GLI3: variants seen among roughly 807,000 people sequenced by gnomAD.
GLI3 encodes the protein transcription activator GLI3.
GLI3 carries 20 observed loss-of-function variants against 100.8 expected under a neutral mutation model. The ratio of observed to expected loss-of-function variants is 0.20; its 90% CI spans 0.14 to 0.29. The LOEUF (loss-of-function observed/expected upper bound fraction) is 0.29, where lower values mean the gene tolerates loss of function less well. Ranked by LOEUF, GLI3 falls within the 10% of genes least tolerant of loss-of-function variation. The pLI is 1.00. For synonymous variants in GLI3, 938 were observed against 860.5 expected (o/e 1.09, Z -1.58); for missense variants, 2,040 against 2,128.5 (o/e 0.96, Z 0.82).
chr7:42,023,948 A>C (rs1789024142), intron 9 of GLI3, among the ~76,000 whole-genome samples: 2 of 152,224 alleles, frequency 1.3e-5, no homozygotes, highest in Admixed American at 6.5e-5. Flanking sequence ...AACAAAAAAC[A>C]AAACAAAGCT....
At chr7:42,064,602 CA>C (rs1402509175) in intron 4 of GLI3, among the ~76,000 whole-genome samples, 4 of 152,068 alleles carry the variant, frequency 2.6e-5, no homozygotes, top group African/African-American at 9.7e-5. Flanking sequence ...TGAATGTAAC[CA>C]ACATATTATT....
At chr7:42,200,621 A>C (rs540071173) in intron 2 of GLI3, among the ~76,000 whole-genome samples, 3 of 152,278 alleles carry the variant, frequency 2.0e-5, no homozygotes, top group South Asian at 2.1e-4. Flanking sequence ...TTTAAAAATA[A>C]AGCCAGCAAA....
chr7:42,041,175 C>A (rs1340322008), intron 6 of GLI3, among the ~76,000 whole-genome samples: 1 of 152,140 alleles, frequency 6.6e-6, no homozygotes, highest in African/African-American at 2.4e-5. Flanking sequence ...CCTTGTTTCT[C>A]TAGTCAGACC....
At chr7:42,027,929 T>C (rs771119349) in intron 7 of GLI3, among the ~76,000 whole-genome samples, 7 of 152,234 alleles carry the variant, frequency 4.6e-5, no homozygotes, top group Admixed American at 1.3e-4. Flanking sequence ...TGAATGATTA[T>C]GGCAAGACTT....
intron 10 of GLI3, among the ~76,000 whole-genome samples, chr7:41,989,553 G>A (rs1787926262): frequency 6.6e-6 from 1 of 152,156 alleles, no homozygotes; most frequent in South Asian, 2.1e-4. Context: ...TACGGAGAAA[G>A]CATTACCATC....
In GLI3 at chr7:41,966,186, C is replaced by T. The variant is rs776779570; in HGVS notation, c.2887G>A (p.Ala963Thr). ...GGCAGGGCCACGCCAGGCTCGAGGG[C>T]ATCCCCGAGCAGCGCCAGGCGCGTC... ...LKTRLALLGDALEPGVALPPV... is the reference protein window; with the variant it reads ...LKTRLALLGDTLEPGVALPPV... The change falls in exon 15 of 15, where the codon GCC (alanine) becomes ACC (threonine). Residue 963 changes from alanine to threonine, a missense_variant. This residue lies in a region of GLI3 where 1,041 missense variants were observed against 924.0 expected (regional missense o/e 1.13). Transcript: ENST00000395925. The surrounding 1 kb of genome is among the most constrained non-coding windows in gnomAD (Gnocchi z 5.8). 5.7e-5 allele frequency: 91 copies of T among 1,603,944 alleles called. No homozygotes were observed. The highest frequency in any genetic ancestry group is 5.0e-4 in the Middle Eastern group (3 of 6,022).
chr7:42,113,116 G>A (rs111497948), intron 3 of GLI3, among the ~76,000 whole-genome samples: 10 of 152,220 alleles, frequency 6.6e-5, no homozygotes, highest in African/African-American at 2.4e-4. Context: ...GGTGGAGGCT[G>A]CAGTGAGCCG....
intron 2 of GLI3, among the ~76,000 whole-genome samples, chr7:42,153,593 G>A (rs574176803): frequency 6.6e-6 from 1 of 150,770 alleles, no homozygotes; most frequent in Non-Finnish European, 1.5e-5. Context: ...AAGGGGGGGT[G>A]GGGGGAAAGA....
chr7:42,264,046 T>G (rs1430654968), exon 1 of GLI3, among the ~76,000 whole-genome samples: 1 of 152,232 alleles, frequency 6.6e-6, no homozygotes, highest in Admixed American at 6.5e-5. Context: ...CTGATTGTGT[T>G]GGCTGTCTCG....
chr7:42,206,327 T>A (rs1370258796), intron 2 of GLI3, among the ~76,000 whole-genome samples: 2 of 151,818 alleles, frequency 1.3e-5, no homozygotes, highest in African/African-American at 4.8e-5. Context: ...GGGATACTTT[T>A]AATCATGACG....
intron 7 of GLI3, among the ~76,000 whole-genome samples, chr7:42,032,494 A>C (rs1789321681): frequency 6.6e-6 from 1 of 152,200 alleles, no homozygotes; most frequent in South Asian, 2.1e-4. Context: ...TTAAACATTT[A>C]TTTACCCTAC....
At chr7:42,104,970 T>C (rs914919674) in intron 3 of GLI3, among the ~76,000 whole-genome samples, 3 of 152,246 alleles carry the variant, frequency 2.0e-5, no homozygotes, top group Non-Finnish European at 4.4e-5. Flanking sequence ...ACTCCATTTA[T>C]GGTATTTTGT....
At chr7:42,258,983 C>G (rs1789113057) in intron 1 of GLI3, among the ~76,000 whole-genome samples, 1 of 152,120 alleles carries the variant, frequency 6.6e-6, no homozygotes, top group Non-Finnish European at 1.5e-5. Flanking sequence ...ATTGTCTGAA[C>G]TAGTTTGTTG....
At chr7:42,176,653 TACAAGGTCC>T (rs984705051) in intron 2 of GLI3, among the ~76,000 whole-genome samples, 3 of 152,186 alleles carry the variant, frequency 2.0e-5, no homozygotes, top group African/African-American at 7.2e-5. Flanking sequence ...TTGAGAAAAA[TACAAGGTCC>T]ACAACTTAAC....
At chr7:42,047,134 G>C (rs749874523) in intron 5 of GLI3, among the ~76,000 whole-genome samples, 11 of 152,296 alleles carry the variant, frequency 7.2e-5, no homozygotes, top group South Asian at 4.1e-4. Context: ...CCAGCCTGGG[G>C]AACAAAGTGA....
intron 10 of GLI3, among the ~76,000 whole-genome samples, chr7:41,981,698 G>A (rs975379596): frequency 6.6e-6 from 1 of 152,210 alleles, no homozygotes. Context: ...GGAAGGGAAG[G>A]CTCTGGATTG....
intron 3 of GLI3, among the ~76,000 whole-genome samples, chr7:42,106,241 G>A (rs1244355876): frequency 1.3e-5 from 2 of 152,274 alleles, no homozygotes; most frequent in East Asian, 1.9e-4. Flanking sequence ...ATATCTGCAC[G>A]TCCTCTGAGA....
rs75312131 is a variant in GLI3, at chr7:42,066,513, G to A, written c.473+10239C>T. 1.5e-3 allele frequency among the ~76,000 whole-genome samples: 229 copies of A among 152,238 alleles called. 1 individual carries two copies. The highest frequency in any genetic ancestry group is 5.2e-3 in the African/African-American group (216 of 41,542). ...ATATGGTGCAGTGCATCTCTGGATC[G>A]CACTTCAGATCACGAAAAGGCCTTT... On this transcript the variant is annotated intron_variant, in intron 4 of 14. Transcript: ENST00000395925.
intron 2 of GLI3, among the ~76,000 whole-genome samples, chr7:42,157,589 C>A (rs926050768): frequency 3.9e-5 from 6 of 152,206 alleles, no homozygotes; most frequent in Non-Finnish European, 7.4e-5. Context: ...TATTTCTATA[C>A]AAAATTTCTA....
Sources: gnomAD v4.1 joint callset for allele counts (sites outside exome capture counted in the v4.1 genomes callset) on GRCh38, gnomAD v4.1.1 for gene constraint, gnomAD v4.1.1 regional missense constraint, Gnocchi (gnomAD v3.1) non-coding constraint, MANE v1.5 for transcripts, NCBI Gene and HGNC (gene_info 2026-07-23, HGNC 2026-07-21) for gene names.